The following DMD variants were observed in gnomAD, a reference collection of about 807,000 sequenced individuals.
DMD encodes the protein dystrophin, also known as mutant dystrophin.
Under a neutral mutation model 330.1 loss-of-function variants are expected in DMD, and 63 were observed. The ratio of observed to expected loss-of-function variants is 0.19; its 90% CI spans 0.16 to 0.24. The LOEUF (loss-of-function observed/expected upper bound fraction) is 0.24. DMD is among the 10% of genes least tolerant of loss of function. The pLI is 1.00. For missense variants in DMD, 3,344 were observed against 2,684.1 expected (o/e 1.25, Z -5.43); for synonymous variants, 1,223 against 959.8 (o/e 1.27, Z -5.07).
rs756710810 is a variant in DMD at position 32,625,786 on chromosome X, G to A, written c.1332-11333C>T. ...TGGATAGACTTTATAAAACCTAGAG[G>A]ACTACAATTAAAACTTACAAATTAC... On this transcript the variant is annotated intron_variant, in intron 11 of 78. Transcript: ENST00000357033. Among the ~76,000 whole-genome samples the A allele has an allele frequency of 2.9e-4, 32 of 111,821 alleles. 1 individual carries two copies. In the South Asian group the frequency reaches 0.011, roughly 38 times the overall value.
chrX:32,736,239 T>C (rs2068462808), intron 7 of DMD, among the ~76,000 whole-genome samples: 2 of 111,435 alleles, frequency 1.8e-5, no homozygotes, highest in Admixed American at 9.5e-5. Flanking sequence ...CCAGTTAGAA[T>C]GGCGATCATT....
At chrX:32,253,814 G>A (rs2097287462) in intron 43 of DMD, among the ~76,000 whole-genome samples, 1 of 108,436 alleles carries the variant, frequency 9.2e-6, no homozygotes, top group African/African-American at 3.4e-5. Context: ...AGTAGAGACA[G>A]GGTTTCACCA....
At chrX:32,211,577 T>A (rs2097093767) in intron 44 of DMD, among the ~76,000 whole-genome samples, 1 of 112,062 alleles carries the variant, frequency 8.9e-6, no homozygotes, top group African/African-American at 3.2e-5. Flanking sequence ...AACAGCAGTT[T>A]ATTCATGTCA....
chrX:31,253,655 CTT>C (rs1255218160), intron 63 of DMD, among the ~76,000 whole-genome samples: 1 of 111,718 alleles, frequency 9.0e-6, no homozygotes, highest in African/African-American at 3.3e-5. Context: ...ATTGATGTAT[CTT>C]TAAAAAGCTT....
chrX:33,219,306 TTG>T (rs56332488), intron 1 of DMD, among the ~76,000 whole-genome samples: 3,829 of 72,854 alleles, frequency 0.053, 204 homozygotes, highest in East Asian at 0.31. Context: ...TTAGAGATTA[TTG>T]TGTGTGTGTG....
intron 60 of DMD, among the ~76,000 whole-genome samples, chrX:31,399,879 A>G (rs1262669946): frequency 1.8e-5 from 2 of 111,724 alleles, no homozygotes; most frequent in Non-Finnish European, 3.8e-5. Context: ...ATTTTTAGAT[A>G]TAAGAGTCAG....
intron 1 of DMD, among the ~76,000 whole-genome samples, chrX:33,149,476 C>A (rs900240710): frequency 2.7e-5 from 3 of 112,342 alleles, no homozygotes; most frequent in Non-Finnish European, 5.6e-5. Context: ...TCCTCACAGG[C>A]CACAGATGGG....
In DMD at chrX:32,070,356, C is replaced by T. The variant is rs146702259; in HGVS notation, c.6439-101842G>A. Among the ~76,000 whole-genome samples, 184 of 110,932 alleles carry T rather than the reference C, an allele frequency of 1.7e-3. 1 individual carries two copies. The highest frequency in any genetic ancestry group is 5.7e-3 in the African/African-American group (174 of 30,534). ...TATTGCAGCCTCTGTGGAAACCACC[C>T]ATGGGGTTTCTCATCTATGTAACAC... On this transcript the variant is annotated intron_variant, in intron 44 of 78. Coordinates refer to ENST00000357033, the MANE Select transcript of DMD (RefSeq NM_004006.3).
chrX:33,013,091 A>G (rs775539733), intron 2 of DMD, among the ~76,000 whole-genome samples: 2 of 110,655 alleles, frequency 1.8e-5, no homozygotes, highest in African/African-American at 3.3e-5. Flanking sequence ...TGTCCCAAAA[A>G]TGCATTATTG....
chrX:32,106,487 A>G (rs1327684525), intron 44 of DMD, among the ~76,000 whole-genome samples: 1 of 111,846 alleles, frequency 8.9e-6, no homozygotes, highest in Non-Finnish European at 1.9e-5. Flanking sequence ...TCAATATGAA[A>G]CACTAGGATG....
chrX:32,511,524 GAAAA>G (rs67754841), intron 18 of DMD, among the ~76,000 whole-genome samples: 3 of 49,788 alleles, frequency 6.0e-5, no homozygotes, highest in South Asian at 1.6e-3. Context: ...TCCGTCTCGG[GAAAA>G]AAAAAAAAAA....
chrX:32,788,764 A>C (rs2075602826), intron 7 of DMD, among the ~76,000 whole-genome samples: 1 of 112,112 alleles, frequency 8.9e-6, no homozygotes, highest in African/African-American at 3.2e-5. Flanking sequence ...TTTCAAGTGG[A>C]TTTATGGGAT....
At chrX:32,618,081 T>C (rs781114845) in intron 11 of DMD, among the ~76,000 whole-genome samples, 7 of 112,237 alleles carry the variant, frequency 6.2e-5, no homozygotes, top group African/African-American at 1.9e-4. Flanking sequence ...TGTAAATTAT[T>C]TCAACTATTG....
chrX:31,223,129 G>A lies in DMD; in HGVS notation c.9287-8C>T, dbSNP rs371035624. 3.7e-5 allele frequency: 45 copies of A among 1,202,609 alleles called. No individual in the cohort carries two copies. In the African/African-American group the frequency reaches 7.2e-4, roughly 19 times the overall value. On this transcript the variant is annotated splice_polypyrimidine_tract_variant and splice_region_variant and intron_variant, in intron 63 of 78. Transcript: ENST00000357033. ...TGACATTATTCAGGTCAGCTGAAAA[G>A]AGGGAAAACAAAGAGCATTTGTTAT...
intron 2 of DMD, among the ~76,000 whole-genome samples, chrX:33,010,199 C>CATGTGTGTAT (rs1569549258): frequency 4.3e-4 from 36 of 84,141 alleles, no homozygotes; most frequent in Middle Eastern, 6.3e-3. Context: ...TGTATATATG[C>CATGTGTGTAT]ATATGTGTGT....
At chrX:32,927,092 G>A (rs949737006) in intron 2 of DMD, among the ~76,000 whole-genome samples, 4 of 110,812 alleles carry the variant, frequency 3.6e-5, no homozygotes, top group Non-Finnish European at 5.7e-5. Context: ...TTATTCCATA[G>A]TACCCTTCGC....
At chrX:31,192,546 A>C (rs2042478870) in intron 67 of DMD, among the ~76,000 whole-genome samples, 1 of 112,083 alleles carries the variant, frequency 8.9e-6, no homozygotes. Context: ...CCGGAAGATC[A>C]GGTAAGACTT....
At chrX:33,176,512 G>A (rs1490975885) in intron 1 of DMD, among the ~76,000 whole-genome samples, 4 of 110,304 alleles carry the variant, frequency 3.6e-5, no homozygotes, top group African/African-American at 1.3e-4. Context: ...GTGGATTCAG[G>A]GATTCACAAG....
intron 55 of DMD, among the ~76,000 whole-genome samples, chrX:31,617,405 G>T (rs1007314739): frequency 9.1e-6 from 1 of 109,882 alleles, no homozygotes; most frequent in Non-Finnish European, 1.9e-5. Context: ...ATGGTGGAAG[G>T]CGCCTCTAAT....
Sources: allele counts gnomAD v4.1 joint callset (sites outside exome capture counted in the v4.1 genomes callset), GRCh38; gene constraint gnomAD v4.1.1; transcripts MANE v1.5; gene names NCBI Gene and HGNC (gene_info 2026-07-23, HGNC 2026-07-21).